IMMT: variants seen among roughly 807,000 people sequenced by gnomAD.
IMMT encodes the protein MICOS complex subunit MIC60.
A neutral mutation model predicts 92.7 loss-of-function variants in IMMT; 40 were observed. The ratio of observed to expected loss-of-function variants is 0.43; its 90% CI spans 0.34 to 0.56. The LOEUF is 0.56. Ranked by LOEUF, IMMT falls within the 20% of genes least tolerant of loss-of-function variation. IMMT has a pLI of 0.03. For synonymous variants in IMMT, 322 were observed against 336.1 expected (o/e 0.96, Z 0.46); for missense variants, 831 against 912.1 (o/e 0.91, Z 1.14).
chr2:86,153,383 C>G (rs1039383017), intron 11 of IMMT, among the ~76,000 whole-genome samples, 177 bp downstream of exon 11: 3 of 151,302 alleles, frequency 2.0e-5, no homozygotes, highest in Non-Finnish European at 2.9e-5. Context: ...GAAACATTTT[C>G]ATTCCTGAGA....
chr2:86,167,962 A>T (rs967097538), intron 6 of IMMT, among the ~76,000 whole-genome samples: 4 of 152,228 alleles, frequency 2.6e-5, no homozygotes, highest in Admixed American at 6.5e-5. Context: ...CATTTTAAAC[A>T]ACAATCGTAA....
At chr2:86,153,338 C>CACACAT in intron 11 of IMMT, among the ~76,000 whole-genome samples, 1 of 151,564 alleles carries the variant, frequency 6.6e-6, no homozygotes, top group East Asian at 1.9e-4. Context: ...CACACACACA[C>CACACAT]ACACTTCACA....
chr2:86,148,556 G>A (rs1033558335), intron 12 of IMMT, among the ~76,000 whole-genome samples: 1 of 152,198 alleles, frequency 6.6e-6, no homozygotes, highest in Non-Finnish European at 1.5e-5. Context: ...AGCTTGCCGT[G>A]AGCCAAGATT....
intron 6 of IMMT, among the ~76,000 whole-genome samples, chr2:86,167,838 T>C (rs1005263311): frequency 1.3e-5 from 2 of 152,054 alleles, no homozygotes; most frequent in Non-Finnish European, 1.5e-5. Context: ...TTTTTTTTTT[T>C]CAAAATTATT....
intron 13 of IMMT, 81 bp from the exon 14 acceptor site, chr2:86,146,278 T>C (rs1675002545): frequency 9.3e-6 from 12 of 1,289,984 alleles, no homozygotes; most frequent in Non-Finnish European, 1.3e-5. Context: ...CAGCAACTAC[T>C]TGCTGAAGCA....
intron 7 of IMMT, among the ~76,000 whole-genome samples, chr2:86,164,009 G>A (rs1277231534): frequency 1.4e-5 from 2 of 142,276 alleles, no homozygotes; most frequent in Non-Finnish European, 3.1e-5. Flanking sequence ...ATCTTATGAT[G>A]CGAAAAATAA....
Position 86,195,365 on chromosome 2 carries a change from C to G in IMMT, c.18G>C (p.Gln6His), listed in dbSNP as rs1449508486. 6.5e-6 allele frequency: 10 copies of G among 1,549,886 alleles called. No individual in the cohort carries two copies. Among genetic ancestry groups the G allele is most frequent in the Non-Finnish European group, 7.8e-6 (9 of 1,146,636 alleles). The change falls in exon 1 of 15, where the codon CAG becomes CAC. Residue 6 changes from glutamine (Q) to histidine (H), a missense_variant. Gln to His is a conservative substitution (Grantham distance 24, BLOSUM62 0). Transcript: ENST00000410111. ...GGGCGGCGGCGGTCACACCCGATAACTGACAGGCCCGCAGCATCTCGGTCA... is the reference window on the plus strand; with the variant it reads ...GGGCGGCGGCGGTCACACCCGATAAGTGACAGGCCCGCAGCATCTCGGTCA... MLRAC[Q>H]LSGVTAAAQS...
At chr2:86,167,235 G>A (rs1415638360) in intron 6 of IMMT, among the ~76,000 whole-genome samples, 4 of 126,394 alleles carry the variant, frequency 3.2e-5, no homozygotes, top group Non-Finnish European at 3.3e-5. Flanking sequence ...GCAGTGGCGC[G>A]ATCTCGGCTC....
rs10179466 is a variant in IMMT, at chr2:86,147,942, C to T, written c.1402-109G>A. On this transcript the variant is annotated intron_variant, in intron 12 of 14. Coordinates refer to ENST00000410111, the MANE Select transcript of IMMT (RefSeq NM_006839.3). ...ACAACAGCAGCTTCCATATCCTGAA[C>T]GCCTCTAATGTGCCAGGCATGTGTA... 10,672 of 1,039,302 alleles carry T rather than the reference C, an allele frequency of 0.01. 743 individuals are homozygous for T. The African/African-American group carries it at 0.15, about 14-fold the overall frequency. 64.4% of individuals were successfully genotyped at this position (1,039,302 alleles called of 1,614,324 possible).
chr2:86,153,026 CTGAA>C (rs1252698996), intron 11 of IMMT, among the ~76,000 whole-genome samples: 2 of 152,102 alleles, frequency 1.3e-5, no homozygotes, highest in Non-Finnish European at 2.9e-5. Flanking sequence ...TATTTTAACA[CTGAA>C]TGGACATTTG....
Position 86,144,310 on chromosome 2 carries a change from G to A in IMMT, c.2235C>T (p.Ala745=), listed in dbSNP as rs1226259318. Residue 745 remains alanine (A), a synonymous_variant, in exon 15 of 15, where the codon GCC becomes GCT. Coordinates refer to ENST00000410111, the MANE Select transcript of IMMT (RefSeq NM_006839.3). ...GAGTGGTTCCTATTCCTACGGCGCT[G>A]GCATATGCTGTCAGGATTTCCACTA... ...KQIVEILTAY[A]SAVGIGTTQV... 3 of 1,613,804 alleles carry A rather than the reference G, an allele frequency of 1.9e-6. No homozygotes were observed. The African/African-American group carries it at 4.0e-5, about 22-fold the overall frequency.
rs1252857497 is a variant in IMMT at position 86,189,848 on chromosome 2, C to T, written c.45+5490G>A. 2.0e-5 allele frequency among the ~76,000 whole-genome samples: 3 copies of T among 152,048 alleles called. No homozygotes were observed. The East Asian group carries it at 5.8e-4, about 29-fold the overall frequency. ...CATTAAGGTTAAAAAGTATATCCCACAAAAAAATCCAGTAAGTTTTTACAT... is the reference window on the plus strand; with the variant it reads ...CATTAAGGTTAAAAAGTATATCCCATAAAAAAATCCAGTAAGTTTTTACAT... On this transcript the variant is annotated intron_variant, in intron 1 of 14. Coordinates refer to ENST00000410111, the MANE Select transcript of IMMT (RefSeq NM_006839.3).
At chr2:86,190,945 C>T (rs1673077160) in intron 1 of IMMT, among the ~76,000 whole-genome samples, 1 of 152,188 alleles carries the variant, frequency 6.6e-6, no homozygotes, top group Non-Finnish European at 1.5e-5. Flanking sequence ...GCCGAGATTG[C>T]ACCACTGCAT....
chr2:86,195,132 AC>A, intron 1 of IMMT: 1 of 503,958 alleles, frequency 2.0e-6, no homozygotes, highest in Non-Finnish European at 3.6e-6. Context: ...TCCACACCCC[AC>A]CCCGCTGCTG....
chr2:86,158,552 TA>T, intron 10 of IMMT, 39 bp downstream of exon 10: 1 of 1,504,876 alleles, frequency 6.6e-7, no homozygotes, highest in Non-Finnish European at 9.0e-7. Context: ...GATTAGTGGT[TA>T]AAACATCAAA....
intron 6 of IMMT, among the ~76,000 whole-genome samples, chr2:86,169,649 T>C (rs1196987480): frequency 6.7e-6 from 1 of 148,916 alleles, no homozygotes; most frequent in Admixed American, 6.6e-5. Context: ...TTATGTTACA[T>C]GTGCTTTAAG....
intron 3 of IMMT, among the ~76,000 whole-genome samples, chr2:86,176,916 C>A (rs1677468767): frequency 6.6e-6 from 1 of 152,212 alleles, no homozygotes; most frequent in African/African-American, 2.4e-5. Flanking sequence ...AATAAATCCA[C>A]AGGGTTCTGC....
At chr2:86,161,187 GC>G (rs1230872260) in intron 8 of IMMT, among the ~76,000 whole-genome samples, 7 of 151,618 alleles carry the variant, frequency 4.6e-5, no homozygotes, top group Admixed American at 4.6e-4. Context: ...ATGGAGTCTC[GC>G]TCTGTCGCCC....
intron 3 of IMMT, among the ~76,000 whole-genome samples, chr2:86,174,232 C>G (rs1221504979): frequency 6.6e-6 from 1 of 152,224 alleles, no homozygotes; most frequent in Non-Finnish European, 1.5e-5. Context: ...GATATATGAT[C>G]AATTTGTAAG....
Sources: gnomAD v4.1 joint callset for allele counts (sites outside exome capture counted in the v4.1 genomes callset) on GRCh38, gnomAD v4.1.1 for gene constraint, MANE v1.5 for transcripts, NCBI Gene and HGNC (gene_info 2026-07-23, HGNC 2026-07-21) for gene names.